The following SLIT1 variants were observed in gnomAD, a reference collection of about 807,000 sequenced individuals.
SLIT1 encodes the protein slit guidance ligand 1, also known as slit homolog 1 protein.
Under a neutral mutation model 186.1 loss-of-function variants are expected in SLIT1, and 66 were observed. That is an observed-to-expected ratio of 0.35 (90% confidence interval 0.29 to 0.44). The LOEUF (loss-of-function observed/expected upper bound fraction) is 0.44, where lower values mean the gene tolerates loss of function less well. Among genes scored for constraint, SLIT1 ranks in the 20% least tolerant of loss-of-function variants. The probability of loss-of-function intolerance (pLI) is 1.00; values close to 1 mark genes in which losing one functional copy is unlikely to be tolerated. For synonymous variants in SLIT1, 761 were observed against 833.8 expected, an observed-to-expected ratio of 0.91 and a Z score of 1.50; for missense variants, 1,638 against 2,037.4, an observed-to-expected ratio of 0.80 and a Z score of 3.77.
chr10:97,166,615 G>GAGAAAAGAAAAGA (rs1181177835), intron 1 of SLIT1, among the ~76,000 whole-genome samples: 2 of 50,300 alleles, frequency 4.0e-5, no homozygotes, highest in Non-Finnish European at 7.8e-5. Flanking sequence ...AAGAAAGAAA[G>GAGAAAAGAAAAGA]AAAGAAAGAG....
At chr10:97,040,170 T>C in intron 20 of SLIT1, 50 bp from the exon 21 acceptor site, 2 of 1,488,130 alleles carry the variant, frequency 1.3e-6, no homozygotes, top group Non-Finnish European at 1.8e-6. Context: ...CGGGCCGCTG[T>C]AGGGCCTCCT....
At chr10:97,088,056 C>T (rs1849185841) in intron 4 of SLIT1, among the ~76,000 whole-genome samples, 1 of 152,164 alleles carries the variant, frequency 6.6e-6, no homozygotes, top group Non-Finnish European at 1.5e-5. Context: ...GGTTCTCAAA[C>T]TCAGCTGCAC....
chr10:97,036,403 G>C (rs1848638740), intron 22 of SLIT1, among the ~76,000 whole-genome samples: 1 of 152,150 alleles, frequency 6.6e-6, no homozygotes, highest in Non-Finnish European at 1.5e-5. Flanking sequence ...ACATTGGCCA[G>C]GTCATTAAGC....
At chr10:97,074,718 C>T (rs1273646183) in intron 4 of SLIT1, among the ~76,000 whole-genome samples, 2 of 152,180 alleles carry the variant, frequency 1.3e-5, no homozygotes, top group South Asian at 2.1e-4. Context: ...CAACCCCAGT[C>T]GGCCGCCCGC....
At chr10:97,166,710 G>T (rs1850125941) in intron 1 of SLIT1, among the ~76,000 whole-genome samples, 1 of 152,158 alleles carries the variant, frequency 6.6e-6, no homozygotes, top group South Asian at 2.1e-4. Flanking sequence ...GATCTGGGTT[G>T]CTGGGATGTT....
chr10:97,037,718 G>A lies in SLIT1; in HGVS notation c.2346C>T (p.Thr782=). The part of the protein sequence containing the change: ...QFTLVPGQLS[T]FKYLQLVDLS... ...CTTACACGAGCTGCAGGTACTTGAA[G>A]GTAGACAGCTGTCCCGGAACCAGCG... The change falls in exon 22 of 37, where the codon ACC becomes ACT. Residue 782 remains threonine (T), a synonymous_variant. Transcript: ENST00000266058. 2 of 1,609,676 alleles carry A rather than the reference G, an allele frequency of 1.2e-6. No homozygotes were observed. Among genetic ancestry groups the A allele is most frequent in the Non-Finnish European group, 8.5e-7 (1 of 1,176,472 alleles).
At chr10:97,177,843 G>A (rs775237592) in intron 1 of SLIT1, among the ~76,000 whole-genome samples, 1 of 152,178 alleles carries the variant, frequency 6.6e-6, no homozygotes, top group Non-Finnish European at 1.5e-5. Flanking sequence ...AGACATGGTG[G>A]TAGGTGCCTG....
At chr10:97,005,895 A>G (rs1257975388) in intron 32 of SLIT1, among the ~76,000 whole-genome samples, 2 of 152,238 alleles carry the variant, frequency 1.3e-5, no homozygotes, top group African/African-American at 4.8e-5. Flanking sequence ...AGATGACTAC[A>G]GAGGAGTTTA....
chr10:97,025,640 G>A (rs139701172), intron 25 of SLIT1, among the ~76,000 whole-genome samples: 9 of 152,298 alleles, frequency 5.9e-5, no homozygotes, highest in Non-Finnish European at 1.2e-4. Flanking sequence ...GGCAGACACC[G>A]CAGCCAGGCC....
intron 13 of SLIT1, among the ~76,000 whole-genome samples, chr10:97,053,086 T>C (rs1342648713): frequency 6.6e-6 from 1 of 152,218 alleles, no homozygotes; most frequent in Non-Finnish European, 1.5e-5. Context: ...ACATAACCTC[T>C]CTCAGTCTTT....
chr10:97,114,486 A>C (rs1849492908), intron 4 of SLIT1, among the ~76,000 whole-genome samples: 1 of 152,144 alleles, frequency 6.6e-6, no homozygotes, highest in South Asian at 2.1e-4. Flanking sequence ...CAGCCTGGGC[A>C]ACAAAAATTT....
chr10:97,036,299 G>A (rs1055027512), intron 22 of SLIT1, among the ~76,000 whole-genome samples: 2 of 152,174 alleles, frequency 1.3e-5, no homozygotes, highest in Admixed American at 1.3e-4. Context: ...CAGCCCCCAA[G>A]AGGCAGTTTC....
chr10:97,158,387 C>T (rs1034865495), intron 3 of SLIT1, among the ~76,000 whole-genome samples: 3 of 151,874 alleles, frequency 2.0e-5, no homozygotes, highest in East Asian at 1.9e-4. Context: ...AGCAGCTGGG[C>T]GCAGTGGCTC....
chr10:97,163,804 A>G (rs1483370006), intron 2 of SLIT1, among the ~76,000 whole-genome samples: 1 of 152,244 alleles, frequency 6.6e-6, no homozygotes, highest in Non-Finnish European at 1.5e-5. Flanking sequence ...AGCCAGGCCC[A>G]GCAGCAGGCA....
In SLIT1 at chr10:97,001,074, C is replaced by T; in HGVS notation, c.*38G>A. 2 of 1,558,564 alleles carry T rather than the reference C, an allele frequency of 1.3e-6. No homozygotes were observed. The highest frequency in any genetic ancestry group is 1.8e-6 in the Non-Finnish European group (2 of 1,136,694). On this transcript the variant is annotated 3_prime_UTR_variant, in exon 37 of 37. Coordinates refer to ENST00000266058, the MANE Select transcript of SLIT1 (RefSeq NM_003061.3). Reference sequence around the variant, plus strand: ...GTCTCCGCTGCTGCAGCGGCTGGGGCCCCTTGCCCGCCCTCACCGGCCTGT... The same window carrying T: ...GTCTCCGCTGCTGCAGCGGCTGGGGTCCCTTGCCCGCCCTCACCGGCCTGT...
chr10:97,043,122 C>T lies in SLIT1; in HGVS notation c.1998-55G>A, dbSNP rs990815466. On this transcript the variant is annotated intron_variant, in intron 19 of 36. Transcript: ENST00000266058. This position sits in a 1 kb window ranked among gnomAD's most constrained non-coding sequence, Gnocchi z 7.0. ...GACACTCTGCCCCTCTCAGAGGTCC[C>T]AGCAAACCCCTCCTGTACCACGGAC... The T allele has an allele frequency of 6.8e-5, 107 of 1,570,478 alleles. No individual in the cohort carries two copies. The highest frequency in any genetic ancestry group is 9.0e-5 in the Non-Finnish European group (104 of 1,152,052).
At chr10:97,126,228 G>C (rs1401024253) in intron 4 of SLIT1, among the ~76,000 whole-genome samples, 2 of 152,242 alleles carry the variant, frequency 1.3e-5, no homozygotes, top group African/African-American at 2.4e-5. Context: ...GTGAACATTT[G>C]ATGTAGCTGA....
chr10:97,057,369 C>T, intron 11 of SLIT1, 88 bp from the exon 12 acceptor site: 2 of 1,038,904 alleles, frequency 1.9e-6, no homozygotes, highest in Non-Finnish European at 3.0e-6. Flanking sequence ...CTCAACAGCG[C>T]TGCCCCTAAG....
At chr10:97,001,494 G>T (rs1208609810) in intron 36 of SLIT1, 144 bp from the exon 37 acceptor site, 6 of 649,572 alleles carry the variant, frequency 9.2e-6, no homozygotes, top group Non-Finnish European at 1.6e-5. Context: ...TCTGTCCCCA[G>T]CATACTTCCG....
Sources: allele counts gnomAD v4.1 joint callset (sites outside exome capture counted in the v4.1 genomes callset), GRCh38; gene constraint gnomAD v4.1.1; non-coding constraint Gnocchi (gnomAD v3.1); transcripts MANE v1.5; gene names NCBI Gene and HGNC (gene_info 2026-07-23, HGNC 2026-07-21).